RNF180: variants seen among roughly 807,000 people sequenced by gnomAD.
The protein encoded by RNF180 is E3 ubiquitin-protein ligase RNF180.
Under a neutral mutation model 59.2 loss-of-function variants are expected in RNF180, and 38 were observed. That is an observed-to-expected ratio of 0.64 (90% CI 0.50 to 0.84). The LOEUF is 0.84. RNF180 is among the 40% of genes least tolerant of loss of function. RNF180 has a pLI of 0.00. For synonymous variants in RNF180, 262 were observed against 240.3 expected, an observed-to-expected ratio of 1.09 and a Z score of -0.84; for missense variants, 705 against 700.9, an observed-to-expected ratio of 1.01 and a Z score of -0.07.
At chr5:64,290,010 G>T (rs565164733) in intron 5 of RNF180, among the ~76,000 whole-genome samples, 5 of 152,032 alleles carry the variant, frequency 3.3e-5, no homozygotes, top group Non-Finnish European at 5.9e-5. Flanking sequence ...ACCTTTTTAT[G>T]TGGGCATTTA....
At position 64,370,004 on chromosome 5, in the gene RNF180, G is replaced by C; in HGVS notation, c.*190G>C. Reference sequence around the variant, plus strand: ...GTAACAAACTAAACTTTATTCAAGAGCTAACCTACCCAGCACTTAGCAACA... The same window carrying C: ...GTAACAAACTAAACTTTATTCAAGACCTAACCTACCCAGCACTTAGCAACA... On this transcript the variant is annotated 3_prime_UTR_variant, in exon 8 of 8. Coordinates refer to ENST00000389100, the MANE Select transcript of RNF180 (RefSeq NM_001113561.2). 1 of 431,004 alleles carries C rather than the reference G, an allele frequency of 2.3e-6. No homozygotes were observed. The highest frequency in any genetic ancestry group is 4.1e-6 in the Non-Finnish European group (1 of 244,918). 26.7% of individuals were successfully genotyped at this position (431,004 alleles called of 1,614,324 possible). A position where few individuals can be genotyped will look rare whatever the true frequency, so the allele number is the denominator to read the frequency against.
chr5:64,329,288 T>A (rs1744786647), intron 6 of RNF180, among the ~76,000 whole-genome samples: 1 of 152,176 alleles, frequency 6.6e-6, no homozygotes, highest in Non-Finnish European at 1.5e-5. Context: ...TCTCCTTTTT[T>A]GTCCACCTGT....
chr5:64,304,145 G>A (rs1057241364), intron 5 of RNF180, among the ~76,000 whole-genome samples: 2 of 143,618 alleles, frequency 1.4e-5, no homozygotes, highest in African/African-American at 5.1e-5. Context: ...GAAAAAAAAA[G>A]GCTTTTCAAA....
intron 5 of RNF180, among the ~76,000 whole-genome samples, chr5:64,267,557 G>A (rs1744754457): frequency 6.7e-6 from 1 of 149,838 alleles, no homozygotes. Flanking sequence ...CTGTGTCCAT[G>A]TGATCTCATT....
intron 5 of RNF180, among the ~76,000 whole-genome samples, chr5:64,219,925 A>G (rs1752826130): frequency 6.6e-6 from 1 of 152,230 alleles, no homozygotes; most frequent in African/African-American, 2.4e-5. Context: ...AATTTCTTTA[A>G]TAATTACAGG....
chr5:64,244,491 A>G (rs1743026390), intron 5 of RNF180, among the ~76,000 whole-genome samples: 1 of 152,212 alleles, frequency 6.6e-6, no homozygotes, highest in African/African-American at 2.4e-5. Flanking sequence ...AGGATATCAG[A>G]GATTGAAGGT....
At chr5:64,309,527 T>C (rs1017001055) in intron 5 of RNF180, among the ~76,000 whole-genome samples, 1 of 151,704 alleles carries the variant, frequency 6.6e-6, no homozygotes, top group Non-Finnish European at 1.5e-5. Context: ...TTTTTTGTTT[T>C]TTTAATATTT....
intron 5 of RNF180, among the ~76,000 whole-genome samples, chr5:64,270,530 T>C (rs1326670766): frequency 2.6e-5 from 4 of 152,130 alleles, no homozygotes; most frequent in Non-Finnish European, 5.9e-5. Flanking sequence ...TTTATGTATA[T>C]AGTCTCATTT....
intron 1 of RNF180, among the ~76,000 whole-genome samples, chr5:64,181,982 C>G (rs1357013348): frequency 7.2e-6 from 1 of 138,726 alleles, no homozygotes; most frequent in African/African-American, 2.7e-5. Context: ...GCAACTGCTA[C>G]TGTCTTTTTT....
chr5:64,222,400 C>G (rs1013479020), intron 5 of RNF180, among the ~76,000 whole-genome samples: 2 of 151,944 alleles, frequency 1.3e-5, no homozygotes, highest in Non-Finnish European at 2.9e-5. Flanking sequence ...ACTCATCTTA[C>G]AACAAAAGGA....
At chr5:64,215,661 CTG>C (rs1752583766) in intron 4 of RNF180, among the ~76,000 whole-genome samples, 2 of 152,028 alleles carry the variant, frequency 1.3e-5, no homozygotes, top group South Asian at 4.1e-4. Context: ...TTAACTTAAA[CTG>C]TAAAATTCAA....
At chr5:64,285,915 C>T (rs1020138395) in intron 5 of RNF180, among the ~76,000 whole-genome samples, 1 of 152,140 alleles carries the variant, frequency 6.6e-6, no homozygotes, top group African/African-American at 2.4e-5. Flanking sequence ...CTAAGCAGCT[C>T]TCCCTGCCAG....
chr5:64,169,113 A>G (rs187532772), intron 1 of RNF180, among the ~76,000 whole-genome samples: 8 of 152,302 alleles, frequency 5.3e-5, no homozygotes, highest in Admixed American at 2.6e-4. Context: ...AGGAAAAACT[A>G]GTTTGGTCTT....
At chr5:64,189,829 C>T (rs532009090) in intron 1 of RNF180, among the ~76,000 whole-genome samples, 69 of 152,228 alleles carry the variant, frequency 4.5e-4, no homozygotes, top group African/African-American at 1.2e-3. Flanking sequence ...GAGATACTGC[C>T]ATTTTGGATT....
At chr5:64,215,000 C>T (rs1033698670) in intron 4 of RNF180, among the ~76,000 whole-genome samples, 5 of 152,130 alleles carry the variant, frequency 3.3e-5, no homozygotes, top group South Asian at 4.2e-4. Context: ...TGGGCTCACA[C>T]GATCTAGTTA....
chr5:64,226,516 A>G (rs2112177075), intron 5 of RNF180, among the ~76,000 whole-genome samples: 1 of 152,322 alleles, frequency 6.6e-6, no homozygotes, highest in South Asian at 2.1e-4. Context: ...CCAGGGACAC[A>G]AACACTGCTG....
chr5:64,317,599 C>T (rs7729586), intron 5 of RNF180, among the ~76,000 whole-genome samples: 56,955 of 135,728 alleles, frequency 0.42, 11,296 homozygotes, highest in African/African-American at 0.56. Context: ...CATATTTATA[C>T]ACACACACAC....
intron 7 of RNF180, among the ~76,000 whole-genome samples, chr5:64,368,207 T>A (rs1746523318): frequency 6.6e-6 from 1 of 151,758 alleles, no homozygotes; most frequent in South Asian, 2.1e-4. Flanking sequence ...TCATTATGTC[T>A]GTCTAGTTTA....
At chr5:64,230,161 A>G (rs1023307497) in intron 5 of RNF180, among the ~76,000 whole-genome samples, 2 of 152,216 alleles carry the variant, frequency 1.3e-5, no homozygotes, top group Non-Finnish European at 2.9e-5. Context: ...TAATCCAGTG[A>G]GATAAATGCC....
Sources: allele counts gnomAD v4.1 joint callset (sites outside exome capture counted in the v4.1 genomes callset), GRCh38; gene constraint gnomAD v4.1.1; transcripts MANE v1.5; gene names NCBI Gene and HGNC (gene_info 2026-07-23, HGNC 2026-07-21).